FRMD4A: variants seen among roughly 807,000 people sequenced by gnomAD.
The protein encoded by FRMD4A is FERM domain containing 4A, also known as FERM domain-containing protein 4A.
A neutral mutation model predicts 129.1 loss-of-function variants in FRMD4A; 29 were observed. The ratio of observed to expected loss-of-function variants is 0.22; its 90% CI spans 0.17 to 0.31. The LOEUF (loss-of-function observed/expected upper bound fraction) is 0.31. FRMD4A is among the 10% of genes least tolerant of loss of function. FRMD4A has a pLI of 1.00. For missense variants in FRMD4A, 1,272 were observed against 1,375.8 expected (o/e 0.92, Z 1.19); for synonymous variants, 634 against 571.6 (o/e 1.11, Z -1.56).
chr10:13,707,466 G>C (rs777642707), intron 12 of FRMD4A: 18 of 1,024,854 alleles, frequency 1.8e-5, no homozygotes, highest in Non-Finnish European at 1.9e-5. Flanking sequence ...GGTGGAGACC[G>C]GGGAGAGGGA....
At position 13,787,795 on chromosome 10, in the gene FRMD4A, C is replaced by G. The variant is rs377205799; in HGVS notation, c.300-4789G>C. Among the ~76,000 whole-genome samples the G allele has an allele frequency of 2.4e-3, 364 of 150,626 alleles. 3 individuals carry two copies. Among genetic ancestry groups the G allele is most frequent in the African/African-American group, 8.5e-3 (348 of 40,870 alleles). ...GTTTTTGGCTGGGCATAGTTTTTGG[C>G]CGGGCATAGTTTTTGGCCGGGCATG... On this transcript the variant is annotated intron_variant, in intron 5 of 24. Transcript: ENST00000357447.
Position 13,651,966 on chromosome 10 carries a change from G to A in FRMD4A, c.3059C>T (p.Thr1020Ile), listed in dbSNP as rs775343064. The change falls in exon 24 of 25, where the codon ACA becomes ATA. Residue 1020 changes from threonine (T) to isoleucine (I), a missense_variant. By Grantham distance (89) the Thr-to-Ile change is moderately conservative. This residue lies in a region of FRMD4A where 972 missense variants were observed against 892.3 expected (regional missense o/e 1.09). Coordinates refer to ENST00000357447, the MANE Select transcript of FRMD4A (RefSeq NM_018027.5). ...HILTWQTGEA[T>I]ENSPILDGSE... is the part of the protein sequence containing the mutation. Reference sequence around the variant, plus strand: ...CCCATCCAGAATGGGTGAGTTTTCTGTTGCTTCTCTGAACAAAGGAAAGCA... The same window carrying A: ...CCCATCCAGAATGGGTGAGTTTTCTATTGCTTCTCTGAACAAAGGAAAGCA... 1.3e-6 allele frequency: 2 copies of A among 1,581,648 alleles called. No homozygotes were observed. Among genetic ancestry groups the A allele is most frequent in the South Asian group, 1.1e-5 (1 of 90,380 alleles).
intron 24 of FRMD4A, chr10:13,651,510 T>C (rs892455664): frequency 6.3e-5 from 12 of 190,108 alleles, no homozygotes; most frequent in Admixed American, 3.4e-4. Context: ...CTGGCCAACA[T>C]GGCAAAACCC....
At chr10:13,900,337 A>G (rs906672784) in intron 2 of FRMD4A, among the ~76,000 whole-genome samples, 2 of 152,108 alleles carry the variant, frequency 1.3e-5, no homozygotes, top group African/African-American at 4.8e-5. Flanking sequence ...ATTACATTAG[A>G]TAGTTGGTTA....
chr10:13,954,605 G>A (rs566379408), intron 2 of FRMD4A, among the ~76,000 whole-genome samples: 2 of 152,246 alleles, frequency 1.3e-5, no homozygotes, highest in African/African-American at 2.4e-5. Flanking sequence ...CATGGGAAGG[G>A]GAATTGAGAG....
At chr10:14,328,957 T>C (rs1199785527) in intron 2 of FRMD4A, among the ~76,000 whole-genome samples, 1 of 152,148 alleles carries the variant, frequency 6.6e-6, no homozygotes, top group East Asian at 1.9e-4. Context: ...CAGAGGCCCA[T>C]GAGATAGATT....
intron 2 of FRMD4A, among the ~76,000 whole-genome samples, chr10:13,960,989 T>C (rs1039156044): frequency 1.3e-5 from 2 of 152,244 alleles, no homozygotes; most frequent in Non-Finnish European, 2.9e-5. Context: ...TAGATTTCTC[T>C]TGTGTTAAAT....
At chr10:14,133,917 T>G (rs61838560) in intron 2 of FRMD4A, among the ~76,000 whole-genome samples, 8,309 of 151,876 alleles carry the variant, frequency 0.055, 250 homozygotes, top group Middle Eastern at 0.099. Context: ...GCTGGGGGCA[T>G]GTGGTGATGG....
chr10:14,273,059 T>TACACACACACACAC (rs59318900), intron 2 of FRMD4A, among the ~76,000 whole-genome samples: 3 of 143,918 alleles, frequency 2.1e-5, no homozygotes, highest in African/African-American at 7.7e-5. Context: ...TTACCAGAAA[T>TACACACACACACAC]ACACACACAC....
intron 2 of FRMD4A, among the ~76,000 whole-genome samples, chr10:14,037,514 G>A (rs922569448): frequency 3.3e-5 from 5 of 152,162 alleles, no homozygotes; most frequent in African/African-American, 9.7e-5. Context: ...CACCTAGCCC[G>A]GAACATTTCA....
At chr10:14,226,810 G>A (rs761438593) in intron 2 of FRMD4A, among the ~76,000 whole-genome samples, 13 of 152,094 alleles carry the variant, frequency 8.5e-5, no homozygotes, top group South Asian at 2.1e-4. Flanking sequence ...CTCTGTTGGC[G>A]TTCATCATTC....
chr10:13,924,233 G>C (rs758656897), intron 2 of FRMD4A, among the ~76,000 whole-genome samples: 2 of 152,138 alleles, frequency 1.3e-5, no homozygotes, highest in Admixed American at 6.5e-5. Context: ...GCCATGGCCT[G>C]AGTAATCCTT....
intron 23 of FRMD4A, among the ~76,000 whole-genome samples, chr10:13,653,620 C>T (rs1047467673): frequency 2.6e-5 from 4 of 152,234 alleles, no homozygotes; most frequent in African/African-American, 9.6e-5. Flanking sequence ...GATGCTCCAC[C>T]AAACCAGGAA....
At chr10:13,739,120 G>T (rs1167371471) in intron 11 of FRMD4A, among the ~76,000 whole-genome samples, 3 of 152,300 alleles carry the variant, frequency 2.0e-5, no homozygotes, top group African/African-American at 7.2e-5. Context: ...CTTGAAACTG[G>T]CATCACGGTT....
At chr10:13,699,237 T>TTTTTTTTTTTTG (rs2086565817) in intron 14 of FRMD4A, among the ~76,000 whole-genome samples, 1 of 92,230 alleles carries the variant, frequency 1.1e-5, no homozygotes, top group Non-Finnish European at 2.7e-5. Context: ...TTTTTTTTTT[T>TTTTTTTTTTTTG]TTTTTTTTTT....
At chr10:13,982,502 G>A (rs2926873) in intron 2 of FRMD4A, among the ~76,000 whole-genome samples, 37,132 of 109,998 alleles carry the variant, frequency 0.34, 7,649 homozygotes, top group African/African-American at 0.55. Context: ...AGGGGAGGGG[G>A]GGGAAGGGAT....
chr10:13,732,159 C>T (rs1375284535), intron 12 of FRMD4A, among the ~76,000 whole-genome samples: 1 of 152,124 alleles, frequency 6.6e-6, no homozygotes, highest in Non-Finnish European at 1.5e-5. Flanking sequence ...CTCCAACCCC[C>T]AAGAGCCTCT....
At chr10:13,934,838 C>T (rs938933889) in intron 2 of FRMD4A, among the ~76,000 whole-genome samples, 3 of 152,096 alleles carry the variant, frequency 2.0e-5, no homozygotes, top group Non-Finnish European at 4.4e-5. Context: ...TAACAAAATG[C>T]CTTAGACTGG....
chr10:13,942,761 T>A (rs558874978), intron 2 of FRMD4A, among the ~76,000 whole-genome samples: 1 of 151,946 alleles, frequency 6.6e-6, no homozygotes, highest in Non-Finnish European at 1.5e-5. Flanking sequence ...GGTGAAACCC[T>A]GCCTCTACAA....
Sources: gnomAD v4.1 joint callset for allele counts (sites outside exome capture counted in the v4.1 genomes callset) on GRCh38, gnomAD v4.1.1 for gene constraint, gnomAD v4.1.1 regional missense constraint, MANE v1.5 for transcripts, NCBI Gene and HGNC (gene_info 2026-07-23, HGNC 2026-07-21) for gene names.